Variants in MYH7 observed in about 807,000 individuals in gnomAD.
MYH7 encodes the protein myosin-7.
MYH7 carries 129 observed loss-of-function variants against 225.4 expected under a neutral mutation model. That is an observed-to-expected ratio of 0.57 (90% confidence interval 0.50 to 0.66). MYH7 has a LOEUF of 0.66. MYH7 is among the 30% of genes least tolerant of loss of function. The probability of loss-of-function intolerance (pLI) is 0.00; values close to 1 mark genes in which losing one functional copy is unlikely to be tolerated. For missense variants in MYH7, 1,649 were observed against 2,517.0 expected (o/e 0.66, Z 7.38); for synonymous variants, 971 against 1,007.6 (o/e 0.96, Z 0.69).
rs1893038377 is a variant in MYH7 at position 23,433,643 on chromosome 14, A to C, written c.90T>G (p.Pro30=). Residue 30 remains proline (P), a synonymous_variant, in exon 3 of 40, where the codon CCT becomes CCG. Transcript: ENST00000355349. The surrounding 1 kb of genome is among the most constrained non-coding windows in gnomAD (Gnocchi z 4.1). ...EKERLEAQTR[P]FDLKKDVFVP... ...CGAAGACATCCTTCTTGAGGTCAAA[A>C]GGCCTGGTCTGCGCTTCTAGCCGCT... 2 of 1,614,130 alleles carry C rather than the reference A, an allele frequency of 1.2e-6. No homozygotes were observed. Among genetic ancestry groups the C allele is most frequent in the Non-Finnish European group, 1.7e-6 (2 of 1,180,036 alleles).
intron 29 of MYH7, 151 bp downstream of exon 29, chr14:23,419,026 T>C (rs1377754755): frequency 3.2e-5 from 25 of 779,838 alleles, no homozygotes; most frequent in East Asian, 2.5e-5. Flanking sequence ...GTAGATGGCA[T>C]GTGGCAGGGT....
rs754295295 is a variant in MYH7, at chr14:23,418,296, A to C, written c.4083T>G (p.Leu1361=). The part of the protein sequence containing the change: ...TEAKAELQRV[L]SKANSEVAQW... ...GGGCCACCTCCGAGTTGGCCTTGGA[A>C]AGGACGCGCTGCAGCTCGGCCTTGG... The change falls in exon 30 of 40, where the codon CTT becomes CTG. Residue 1361 remains leucine, a synonymous_variant. Transcript: ENST00000355349. 71 of 1,613,514 alleles carry C rather than the reference A, an allele frequency of 4.4e-5. No homozygotes were observed. Among genetic ancestry groups the C allele is most frequent in the African/African-American group, 5.3e-5 (4 of 74,896 alleles).
intron 30 of MYH7, 80 bp downstream of exon 30, chr14:23,418,130 G>A (rs1868523210): frequency 6.3e-7 from 1 of 1,598,102 alleles, no homozygotes; most frequent in South Asian, 1.1e-5. Flanking sequence ...TCGCCTGTGT[G>A]GGATCTGCTG....
intron 13 of MYH7, 42 bp from the exon 14 acceptor site, chr14:23,429,146 G>C (rs763639163): frequency 2.5e-6 from 4 of 1,614,146 alleles, no homozygotes; most frequent in Non-Finnish European, 2.5e-6. Flanking sequence ...AGGGTTGTTG[G>C]GAAGAGTGAA....
chr14:23,414,569 A>G (rs1198415117), intron 37 of MYH7, among the ~76,000 whole-genome samples: 1 of 152,198 alleles, frequency 6.6e-6, no homozygotes, highest in Non-Finnish European at 1.5e-5. Context: ...ACAAATTCTA[A>G]TTCAGAGTCT....
chr14:23,434,064 G>A lies in MYH7; in HGVS notation c.-9+130C>T, dbSNP rs45514097. On this transcript the variant is annotated intron_variant, in intron 2 of 39. Transcript: ENST00000355349. The stretch of plus-strand genomic sequence containing the variant: ...CTATCCCTGGACCCCCTGGTCACAG[G>A]TAAGTAGCTCTTGATAGCCAAGATA... 5.5e-4 allele frequency: 323 copies of A among 588,072 alleles called. 7 individuals are homozygous for A. The Admixed American group carries it at 0.011, about 21-fold the overall frequency. 36.4% of individuals were successfully genotyped at this position (588,072 alleles called of 1,614,324 possible).
chr14:23,433,885 G>C lies in MYH7; in HGVS notation c.-8-145C>G. The C allele has an allele frequency of 2.4e-6, 2 of 824,616 alleles. No homozygotes were observed. Among genetic ancestry groups the C allele is most frequent in the Non-Finnish European group, 3.9e-6 (2 of 515,366 alleles). The allele number at this position is 824,616 out of a possible 1,614,324, so 51.1% of individuals were successfully genotyped here. A position where few individuals can be genotyped will look rare whatever the true frequency, so the allele number is the denominator to read the frequency against. On this transcript the variant is annotated intron_variant, in intron 2 of 39. Transcript: ENST00000355349. This position sits in a 1 kb window ranked among gnomAD's most constrained non-coding sequence, Gnocchi z 4.1. The stretch of plus-strand genomic sequence containing the variant: ...ACCAGTGAGTCCCTTCCTCTTTGAG[G>C]TTACCCCTTAACCAGAGGAGCAGCC...
rs765570412 is a variant in MYH7 at position 23,423,556 on chromosome 14, T to G, written c.3090A>C (p.Gln1030His). 5.0e-6 allele frequency: 8 copies of G among 1,613,566 alleles called. No homozygotes were observed. The highest frequency in any genetic ancestry group is 6.8e-6 in the Non-Finnish European group (8 of 1,179,916). ...CTCTCAATCTACTCACATCATCCAC[T>G]TGCTGCTCCAGCTTGACTTTGGCCT... The part of the protein sequence containing the change: ...LTKAKVKLEQ[Q>H]VDDLEGSLEQ... Residue 1030 changes from glutamine (Q) to histidine (H), a missense_variant, in exon 24 of 40, where the codon CAA becomes CAC. Gln to His is a conservative substitution (Grantham distance 24). Transcript: ENST00000355349.
chr14:23,427,993 G>T (rs1892763509), intron 15 of MYH7, 99 bp from the exon 16 acceptor site: 2 of 1,467,204 alleles, frequency 1.4e-6, no homozygotes, highest in African/African-American at 2.8e-5. Flanking sequence ...GTGCCATGTT[G>T]GGTGTTAAGG....
At position 23,422,310 on chromosome 14, in the gene MYH7, C is replaced by T; in HGVS notation, c.3115G>A (p.Glu1039Lys). Residue 1039 changes from glutamate to lysine, a missense_variant, in exon 25 of 40, where the codon GAG becomes AAG. Physicochemically the swap from Glu to Lys is moderately conservative, Grantham distance 56 (BLOSUM62 1). This residue lies in a region of MYH7 where 282 missense variants were observed against 315.3 expected (regional missense o/e 0.89). Coordinates refer to ENST00000355349, the MANE Select transcript of MYH7 (RefSeq NM_000257.4). ...TCCATGCGCACCTTCTTCTCTTGCT[C>T]CAGGGATCCTTCCAGCTGGTAGAGA... The part of the protein sequence containing the change: ...QQVDDLEGSL[E>K]QEKKVRMDLE... 1 of 1,614,192 alleles carries T rather than the reference C, an allele frequency of 6.2e-7. No individual in the cohort carries two copies. Among genetic ancestry groups the T allele is most frequent in the Non-Finnish European group, 8.5e-7 (1 of 1,180,036 alleles).
At position 23,423,578 on chromosome 14, in the gene MYH7, G is replaced by A. The variant is rs767004235; in HGVS notation, c.3068C>T (p.Ala1023Val). 1.9e-6 allele frequency: 3 copies of A among 1,613,810 alleles called. No individual in the cohort carries two copies. Among genetic ancestry groups the A allele is most frequent in the South Asian group, 2.2e-5 (2 of 91,076 alleles). Residue 1023 changes from alanine (A) to valine (V), a missense_variant, in exon 24 of 40, where the codon GCC becomes GTC. This residue lies in a region of MYH7 where 282 missense variants were observed against 315.3 expected (regional missense o/e 0.89). Coordinates refer to ENST00000355349, the MANE Select transcript of MYH7 (RefSeq NM_000257.4). ...CACTTGCTGCTCCAGCTTGACTTTGGCCTTAGTCAGGGTGTTGACCTTGTC... is the reference window on the plus strand; with the variant it reads ...CACTTGCTGCTCCAGCTTGACTTTGACCTTAGTCAGGGTGTTGACCTTGTC... ...EEDKVNTLTK[A>V]KVKLEQQVDD...
chr14:23,433,549 C>G lies in MYH7; in HGVS notation c.184G>C (p.Glu62Gln), dbSNP rs727504416. The change falls in exon 3 of 40, where the codon GAG becomes CAG. Residue 62 changes from glutamate (E) to glutamine (Q), a missense_variant. Physicochemically the swap from Glu to Gln is conservative, Grantham distance 29 (BLOSUM62 2). This residue lies in a region of MYH7 where 91 missense variants were observed against 96.5 expected (regional missense o/e 0.94). Coordinates refer to ENST00000355349, the MANE Select transcript of MYH7 (RefSeq NM_000257.4). This position sits in a 1 kb window ranked among gnomAD's most constrained non-coding sequence, Gnocchi z 4.1. ...VSREGGKVTA[E>Q]TEYGKTVTVK... is the part of the protein sequence containing the mutation. ...ACACCCACCTTGCCATACTCGGTCT[C>G]GGCAGTGACTTTGCCACCCTCTCGA... is the stretch of plus-strand genomic sequence containing the variant. 1.2e-6 allele frequency: 2 copies of G among 1,614,112 alleles called. No homozygotes were observed. Among genetic ancestry groups the G allele is most frequent in the Non-Finnish European group, 1.7e-6 (2 of 1,180,040 alleles).
rs767148171 is a variant in MYH7 at position 23,416,941 on chromosome 14, T to G, written c.4571A>C (p.His1524Pro). The change falls in exon 33 of 40, where the codon CAT becomes CCT. Residue 1524 changes from histidine (H) to proline (P), a missense_variant. Physicochemically the swap from His to Pro is moderately conservative, Grantham distance 77. This residue lies in a region of MYH7 where 687 missense variants were observed against 913.8 expected (regional missense o/e 0.75). Coordinates refer to ENST00000355349, the MANE Select transcript of MYH7 (RefSeq NM_000257.4). ...EQLGSSGKTI[H>P]ELEKVRKQLE... ...CTGCTTTCGGACCTTCTCCAGCTCATGGATAGTCTTTCCGCTGGAACCCAA... is the reference window on the plus strand; with the variant it reads ...CTGCTTTCGGACCTTCTCCAGCTCAGGGATAGTCTTTCCGCTGGAACCCAA... The G allele has an allele frequency of 1.2e-6, 2 of 1,614,226 alleles. No individual in the cohort carries two copies. Among genetic ancestry groups the G allele is most frequent in the Non-Finnish European group, 1.7e-6 (2 of 1,180,046 alleles).
At chr14:23,412,963 G>GT in intron 39 of MYH7, 92 bp from the exon 40 acceptor site, 1 of 1,331,568 alleles carries the variant, frequency 7.5e-7, no homozygotes, top group Non-Finnish European at 1.1e-6. Context: ...GGGTCTGATG[G>GT]TGGGGGGCCT....
intron 9 of MYH7, 82 bp downstream of exon 9, chr14:23,431,336 G>T: frequency 7.4e-7 from 1 of 1,349,688 alleles, no homozygotes; most frequent in South Asian, 1.2e-5. Context: ...GAGGGAGGGA[G>T]GGGAGAGAGA....
At chr14:23,420,894 A>G (rs45613031) in intron 26 of MYH7, 64 bp downstream of exon 26, 23 of 1,224,658 alleles carry the variant, frequency 1.9e-5, no homozygotes, top group Middle Eastern at 5.4e-4. Context: ...ACCCTAGAGG[A>G]GGGGGCAGGG....
In MYH7 at chr14:23,432,757, G is replaced by T; in HGVS notation, c.384C>A (p.Tyr128Ter). Residue 128 changes from tyrosine to a stop codon, truncating the protein, a stop_gained, in exon 5 of 40, where the codon TAC becomes TAA. Transcript: ENST00000355349. LOFTEE classifies it high-confidence loss of function. ...SGLFCVTVNP[Y>*]KWLPVYTPEV... ...CAGGAGTGTACACCGGCAGCCACTT[G>T]TAAGGGTTGACGGTGACACAGAAGA... 4 of 1,614,200 alleles carry T rather than the reference G, an allele frequency of 2.5e-6. No homozygotes were observed. The highest frequency in any genetic ancestry group is 2.5e-6 in the Non-Finnish European group (3 of 1,180,044).
chr14:23,434,791 C>G (rs1319073582), intron 1 of MYH7, among the ~76,000 whole-genome samples: 1 of 152,164 alleles, frequency 6.6e-6, no homozygotes, highest in African/African-American at 2.4e-5. Flanking sequence ...TGTGGACATT[C>G]TCAGAGAGAA....
At chr14:23,428,110 T>G (rs979971146) in intron 15 of MYH7, among the ~76,000 whole-genome samples, 1 of 152,182 alleles carries the variant, frequency 6.6e-6, no homozygotes, top group East Asian at 1.9e-4. Context: ...GGAATATGGA[T>G]TCTATCGATG....
Sources: gnomAD v4.1 joint callset for allele counts (sites outside exome capture counted in the v4.1 genomes callset) on GRCh38, gnomAD v4.1.1 for gene constraint, gnomAD v4.1.1 regional missense constraint, Gnocchi (gnomAD v3.1) non-coding constraint, MANE v1.5 for transcripts, NCBI Gene and HGNC (gene_info 2026-07-23, HGNC 2026-07-21) for gene names.